ZIC4: variants seen among roughly 807,000 people sequenced by gnomAD.
ZIC4 encodes the protein zinc finger protein ZIC 4.
In ZIC4, 15 loss-of-function variants were observed where a neutral mutation model predicts 28.8. That is an observed-to-expected ratio of 0.52 (90% CI 0.35 to 0.80). ZIC4 has a LOEUF of 0.80. Ranked by LOEUF, ZIC4 falls within the 30% of genes least tolerant of loss-of-function variation. The pLI, the probability that ZIC4 is intolerant of heterozygous loss-of-function variation, is 0.01. For missense variants in ZIC4, 512 were observed against 467.1 expected (o/e 1.10, Z -0.89); for synonymous variants, 220 against 198.1 (o/e 1.11, Z -0.93).
chr3:147,398,412 C>T (rs551776859), intron 2 of ZIC4, among the ~76,000 whole-genome samples: 1 of 152,086 alleles, frequency 6.6e-6, no homozygotes, highest in African/African-American at 2.4e-5. Flanking sequence ...CGACAAGATG[C>T]CTTCCAGTGC....
Position 147,396,286 on chromosome 3 carries a change from C to G in ZIC4, c.254G>C (p.Arg85Pro). The change falls in exon 3 of 5, where the codon CGC (arginine) becomes CCC (proline). Residue 85 changes from arginine (R) to proline (P), a missense_variant. Arg to Pro is a moderately radical substitution (Grantham distance 103). Coordinates refer to ENST00000383075, the MANE Select transcript of ZIC4 (RefSeq NM_032153.6). This position sits in a 1 kb window ranked among gnomAD's most constrained non-coding sequence, Gnocchi z 4.2. ...TGCGGCAGCTGCCAGGGCGTCGCTG[C>G]GGGCCGCAGGCCCTGGCGGGAAGGG... ...PEPFPPGPAA[R>P]SDALAAAAAL... The G allele has an allele frequency of 6.2e-7, 1 of 1,608,462 alleles. No individual in the cohort carries two copies. Among genetic ancestry groups the G allele is most frequent in the Non-Finnish European group, 8.5e-7 (1 of 1,177,474 alleles).
In ZIC4 at chr3:147,406,081, A is replaced by C. The variant is rs1012448990; in HGVS notation, c.-16+282T>G. ...TGGTTCCTGTGCCAGTGGGAGCCCC[A>C]TTTGTACCCCTTTTCCCTCCTCCTG... is the stretch of plus-strand genomic sequence containing the variant. On this transcript the variant is annotated intron_variant, in intron 1 of 4. Transcript: ENST00000383075. 5.7e-5 allele frequency: 9 copies of C among 158,720 alleles called. 1 individual carries two copies. Among genetic ancestry groups the C allele is most frequent in the Admixed American group, 3.5e-4 (6 of 17,070 alleles). 9.8% of individuals were successfully genotyped at this position (158,720 alleles called of 1,614,324 possible).
intron 3 of ZIC4, chr3:147,392,428 G>C (rs897917979): frequency 9.2e-5 from 91 of 985,508 alleles, no homozygotes; most frequent in Non-Finnish European, 1.1e-4. Context: ...CTCACGGCCA[G>C]CTGAATTCGC....
chr3:147,389,184 G>A (rs2086856687), intron 4 of ZIC4: 4 of 405,130 alleles, frequency 9.9e-6, no homozygotes, highest in Non-Finnish European at 1.8e-5. Context: ...CTTTCTCAAG[G>A]ACGGATTCAC....
chr3:147,392,472 CG>C, intron 3 of ZIC4: 5 of 982,666 alleles, frequency 5.1e-6, no homozygotes, highest in Non-Finnish European at 4.8e-6. Flanking sequence ...CCCGAGAACC[CG>C]GAAGCCTAGA....
rs1274392116 is a variant in ZIC4 at position 147,388,770 on chromosome 3, T to TG, written c.*88dup. 1 of 747,816 alleles carries TG rather than the reference T, an allele frequency of 1.3e-6. No homozygotes were observed. The highest frequency in any genetic ancestry group is 2.5e-6 in the Non-Finnish European group (1 of 405,932). 46.3% of individuals were successfully genotyped at this position (747,816 alleles called of 1,614,324 possible). On this transcript the variant is annotated 3_prime_UTR_variant, in exon 5 of 5. Transcript: ENST00000383075. ...GCACCGTGGCGAAGAAACACTGCTT[T>TG]GTGCGCGGGCCCTTTGATGTAGCAG... is the stretch of plus-strand genomic sequence containing the variant.
intron 3 of ZIC4, among the ~76,000 whole-genome samples, chr3:147,394,716 T>TA (rs1169454004): frequency 4.6e-5 from 7 of 152,118 alleles, no homozygotes; most frequent in Admixed American, 4.6e-4. Context: ...GCTTTAGAAA[T>TA]AAAGTGCCAG....
chr3:147,397,675 T>G (rs758026656), intron 2 of ZIC4, among the ~76,000 whole-genome samples: 1 of 151,956 alleles, frequency 6.6e-6, no homozygotes, highest in Non-Finnish European at 1.5e-5. Context: ...GTTGGGCAGT[T>G]TGTCCCTGCA....
chr3:147,402,824 GAA>G lies in ZIC4; in HGVS notation c.-15-14_-15-13del. The G allele has an allele frequency of 6.2e-7, 1 of 1,611,844 alleles. No homozygotes were observed. Among genetic ancestry groups the G allele is most frequent in the Non-Finnish European group, 8.5e-7 (1 of 1,178,654 alleles). Reference sequence around the variant, plus strand: ...TTCTGACTTTGAGCCTGTTTGGGAAGAAAAGAGTGACAGTCACTAGTTAAACA... The same window carrying G: ...TTCTGACTTTGAGCCTGTTTGGGAAGAAGAGTGACAGTCACTAGTTAAACA... On this transcript the variant is annotated splice_polypyrimidine_tract_variant and intron_variant, in intron 1 of 4. Coordinates refer to ENST00000383075, the MANE Select transcript of ZIC4 (RefSeq NM_032153.6).
chr3:147,398,067 C>T (rs1163713796), intron 2 of ZIC4, among the ~76,000 whole-genome samples: 2 of 152,020 alleles, frequency 1.3e-5, no homozygotes, highest in African/African-American at 4.8e-5. Context: ...GAACCCGTGC[C>T]TTCCTGAAAG....
intron 2 of ZIC4, among the ~76,000 whole-genome samples, chr3:147,402,497 G>A (rs1189246894): frequency 1.3e-5 from 2 of 152,158 alleles, no homozygotes; most frequent in Non-Finnish European, 2.9e-5. Context: ...AGATGAGTAG[G>A]CATTGAGGGG....
chr3:147,400,966 C>G lies in ZIC4; in HGVS notation c.70+1762G>C, dbSNP rs1282328379. ...TGGAGATATAACATTGTTAAGTCTA[C>G]TTTTCTGCTTCATTTGTAGAGAAAA... On this transcript the variant is annotated intron_variant, in intron 2 of 4. Transcript: ENST00000383075. Among the ~76,000 whole-genome samples, 3 of 152,180 alleles carry G rather than the reference C, an allele frequency of 2.0e-5. No homozygotes were observed. In the South Asian group the frequency reaches 6.2e-4, roughly 32 times the overall value.
intron 3 of ZIC4, chr3:147,393,837 C>T (rs968744124): frequency 4.0e-5 from 18 of 455,156 alleles, no homozygotes; most frequent in Middle Eastern, 6.7e-4. Context: ...GTTGCTGGCC[C>T]GCGCCTCCCT....
intron 2 of ZIC4, among the ~76,000 whole-genome samples, chr3:147,401,472 G>A (rs1362149214): frequency 2.0e-5 from 3 of 151,626 alleles, no homozygotes; most frequent in East Asian, 3.9e-4. Flanking sequence ...AACAAGTCTT[G>A]TCATCTGAAT....
chr3:147,388,637 TA>T lies in ZIC4; in HGVS notation c.*221del. The T allele has an allele frequency of 1.9e-6, 1 of 528,358 alleles. No homozygotes were observed. The highest frequency in any genetic ancestry group is 3.4e-6 in the Non-Finnish European group (1 of 296,514). The allele number at this position is 528,358 out of a possible 1,614,324, so 32.7% of individuals were successfully genotyped here. A position where few individuals can be genotyped will look rare whatever the true frequency, so the allele number is the denominator to read the frequency against. On this transcript the variant is annotated 3_prime_UTR_variant, in exon 5 of 5. Transcript: ENST00000383075. ...CACAAGAAAAAAGGTCTGTTAGACG[TA>T]AATATTATGTCCTTAATGAAAAGCC...
At chr3:147,394,726 G>A (rs2087002687) in intron 3 of ZIC4, among the ~76,000 whole-genome samples, 1 of 152,172 alleles carries the variant, frequency 6.6e-6, no homozygotes, top group African/African-American at 2.4e-5. Flanking sequence ...TAAAGTGCCA[G>A]GCTCCAAGTG....
chr3:147,391,389 G>A (rs1027264522), intron 3 of ZIC4, 143 bp from the exon 4 acceptor site: 52 of 1,105,072 alleles, frequency 4.7e-5, no homozygotes, highest in Non-Finnish European at 7.5e-6. Context: ...GCCTCAGGTC[G>A]AGCACCCCTT....
intron 1 of ZIC4, chr3:147,403,968 T>A (rs1159477095): frequency 4.6e-6 from 7 of 1,536,818 alleles, no homozygotes; most frequent in Non-Finnish European, 6.1e-6. Flanking sequence ...ACTCACCTTT[T>A]CCCAGAGGGT....
chr3:147,404,772 A>G lies in ZIC4; in HGVS notation c.-16+1591T>C, dbSNP rs143368558. ...ACAGTGGGTAGGTGCAAAAAGCACCATTTTTATTTGGGGGAGCCTCGGAAG... is the reference window on the plus strand; with the variant it reads ...ACAGTGGGTAGGTGCAAAAAGCACCGTTTTTATTTGGGGGAGCCTCGGAAG... On this transcript the variant is annotated intron_variant, in intron 1 of 4. Coordinates refer to ENST00000383075, the MANE Select transcript of ZIC4 (RefSeq NM_032153.6). Among the ~76,000 whole-genome samples the G allele has an allele frequency of 1.8e-3, 279 of 152,304 alleles. 1 individual carries two copies. The highest frequency in any genetic ancestry group is 5.5e-3 in the African/African-American group (230 of 41,574).
Sources: allele counts gnomAD v4.1 joint callset (sites outside exome capture counted in the v4.1 genomes callset), GRCh38; gene constraint gnomAD v4.1.1; non-coding constraint Gnocchi (gnomAD v3.1); transcripts MANE v1.5; gene names NCBI Gene and HGNC (gene_info 2026-07-23, HGNC 2026-07-21).